Variants in DTNA observed in about 807,000 individuals in gnomAD.
The protein encoded by DTNA is dystrobrevin alpha.
A neutral mutation model predicts 100.7 loss-of-function variants in DTNA; 43 were observed. The ratio of observed to expected loss-of-function variants is 0.43; its 90% confidence interval spans 0.33 to 0.55. The LOEUF (loss-of-function observed/expected upper bound fraction) is 0.55. Ranked by LOEUF, DTNA falls within the 20% of genes least tolerant of loss-of-function variation. The probability of loss-of-function intolerance (pLI) is 0.04; values close to 1 mark genes in which losing one functional copy is unlikely to be tolerated. For synonymous variants in DTNA, 349 were observed against 347.9 expected (o/e 1.00, Z -0.04); for missense variants, 798 against 953.9 (o/e 0.84, Z 2.15).
intron 1 of DTNA, among the ~76,000 whole-genome samples, chr18:34,681,982 A>T (rs2145526118): frequency 6.6e-6 from 1 of 151,598 alleles, no homozygotes; most frequent in Admixed American, 6.6e-5. Flanking sequence ...CCTGCACCTC[A>T]CCCCTCATCT....
chr18:34,847,331 C>T (rs1275417875), intron 13 of DTNA, among the ~76,000 whole-genome samples: 1 of 152,100 alleles, frequency 6.6e-6, no homozygotes, highest in Non-Finnish European at 1.5e-5. Flanking sequence ...TACTAAAATT[C>T]TGTTTCTCTG....
At chr18:34,790,170 G>A (rs1391283503) in intron 3 of DTNA, among the ~76,000 whole-genome samples, 3 of 152,176 alleles carry the variant, frequency 2.0e-5, no homozygotes, top group Non-Finnish European at 2.9e-5. Flanking sequence ...GTGTAAGGAT[G>A]TGTAAGGCAG....
At chr18:34,607,995 G>T (rs1045092815) in intron 1 of DTNA, among the ~76,000 whole-genome samples, 1 of 152,148 alleles carries the variant, frequency 6.6e-6, no homozygotes, top group African/African-American at 2.4e-5. Flanking sequence ...GAAGTGGCAA[G>T]GATTCCAAAT....
chr18:34,827,597 C>G lies in DTNA; in HGVS notation c.1006C>G (p.Pro336Ala), dbSNP rs1157420045. Residue 336 changes from proline to alanine, a missense_variant, in exon 10 of 23, where the codon CCC becomes GCC. Pro to Ala is a conservative substitution (Grantham distance 27). This residue lies in a region of DTNA where 93 missense variants were observed against 90.5 expected (regional missense o/e 1.03). Coordinates refer to ENST00000444659, the MANE Select transcript of DTNA (RefSeq NM_001386795.1). ...KPLNLAHIVP[P>A]RPVTSMNDTL... Reference sequence around the variant, plus strand: ...TCACCCTGTGTTTTGTTTTAGGCCTCCCAGACCTGTAACCAGCATGAACGA... The same window carrying G: ...TCACCCTGTGTTTTGTTTTAGGCCTGCCAGACCTGTAACCAGCATGAACGA... The G allele has an allele frequency of 6.2e-7, 1 of 1,613,838 alleles. No homozygotes were observed. The highest frequency in any genetic ancestry group is 1.1e-5 in the South Asian group (1 of 91,074).
At chr18:34,814,172 G>T (rs948735103) in intron 6 of DTNA, among the ~76,000 whole-genome samples, 1 of 152,072 alleles carries the variant, frequency 6.6e-6, no homozygotes, top group African/African-American at 2.4e-5. Context: ...TGCACTTTCA[G>T]TTCATATTTA....
intron 16 of DTNA, among the ~76,000 whole-genome samples, chr18:34,862,140 A>AAAAAAG (rs1555881848): frequency 3.0e-4 from 44 of 146,964 alleles, no homozygotes; most frequent in African/African-American, 8.7e-4. Flanking sequence ...AAAAAAAAAA[A>AAAAAAG]AAAGAGAAAG....
At chr18:34,670,658 C>A (rs927228218) in intron 1 of DTNA, among the ~76,000 whole-genome samples, 4 of 152,226 alleles carry the variant, frequency 2.6e-5, no homozygotes, top group South Asian at 2.1e-4. Flanking sequence ...CCCTCAGCTG[C>A]AGGTCTGTTG....
rs551865322 is a variant in DTNA, at chr18:34,841,311, G to A, written c.1346+2474G>A. On this transcript the variant is annotated intron_variant, in intron 13 of 22. Coordinates refer to ENST00000444659, the MANE Select transcript of DTNA (RefSeq NM_001386795.1). ...CTTTTGTGGATGCCTCCTTCACACT[G>A]CATCCTCCACGTATTTACTGAAACT... Among the ~76,000 whole-genome samples the A allele has an allele frequency of 1.2e-3, 183 of 152,190 alleles. 1 individual carries two copies. Among genetic ancestry groups the A allele is most frequent in the African/African-American group, 4.2e-3 (176 of 41,512 alleles).
chr18:34,499,167 A>G lies in DTNA; in HGVS notation c.-2+5653A>G, dbSNP rs180793184. Among the ~76,000 whole-genome samples the G allele has an allele frequency of 2.6e-5, 4 of 152,302 alleles. No individual in the cohort carries two copies. The East Asian group carries it at 5.8e-4, about 22-fold the overall frequency. On this transcript the variant is annotated intron_variant, in intron 1 of 19. Transcript: ENST00000283365. ...ACCTCCAACCCCTTAATCCCTTGCA[A>G]TCATTAATATGTTCTCTATTTCTAT...
intron 1 of DTNA, among the ~76,000 whole-genome samples, chr18:34,506,338 G>A (rs975509914): frequency 8.0e-4 from 122 of 152,238 alleles, no homozygotes; most frequent in African/African-American, 2.7e-3. Flanking sequence ...AACATAGTGG[G>A]GGTGAGGAAT....
intron 6 of DTNA, among the ~76,000 whole-genome samples, chr18:34,814,725 G>T (rs1176924130): frequency 2.0e-5 from 3 of 151,604 alleles, no homozygotes; most frequent in Non-Finnish European, 2.9e-5. Context: ...AAGGACCTAT[G>T]TGTTCAAGAA....
intron 1 of DTNA, among the ~76,000 whole-genome samples, chr18:34,581,061 C>T (rs1017279444): frequency 1.5e-4 from 23 of 151,848 alleles, no homozygotes; most frequent in East Asian, 5.8e-4. Context: ...CTGGCTAACA[C>T]GGTGAAACCC....
chr18:34,668,102 A>G (rs2076204580), intron 1 of DTNA, among the ~76,000 whole-genome samples: 1 of 152,090 alleles, frequency 6.6e-6, no homozygotes, highest in African/African-American at 2.4e-5. Flanking sequence ...TCAATTTCAG[A>G]GCCTGTTACT....
intron 1 of DTNA, among the ~76,000 whole-genome samples, chr18:34,622,600 G>A (rs909499419): frequency 2.4e-4 from 37 of 152,274 alleles, no homozygotes; most frequent in African/African-American, 7.7e-4. Flanking sequence ...GGCAGGTTCC[G>A]TGCAATCTGC....
At chr18:34,549,273 C>T (rs2685552) in intron 1 of DTNA, among the ~76,000 whole-genome samples, 13,941 of 152,030 alleles carry the variant, frequency 0.092, 641 homozygotes, top group South Asian at 0.11. Flanking sequence ...TTCTTTAAAT[C>T]CCATCATACA....
At chr18:34,870,512 C>T (rs777564910) in intron 17 of DTNA, among the ~76,000 whole-genome samples, 16 of 152,172 alleles carry the variant, frequency 1.1e-4, no homozygotes, top group Non-Finnish European at 1.6e-4. Flanking sequence ...TGTTCAAAAA[C>T]ATACCCTCCC....
intron 1 of DTNA, among the ~76,000 whole-genome samples, chr18:34,512,348 C>T (rs1486285104): frequency 6.6e-6 from 1 of 151,958 alleles, no homozygotes; most frequent in African/African-American, 2.4e-5. Flanking sequence ...CTCAGAACAG[C>T]AGGTACACAC....
chr18:34,748,350 G>C (rs897367129), intron 1 of DTNA, among the ~76,000 whole-genome samples: 4 of 152,068 alleles, frequency 2.6e-5, no homozygotes, highest in Admixed American at 6.6e-5. Context: ...TGTCACATTT[G>C]CTTTTGGGCC....
Position 34,812,108 on chromosome 18 carries a change from C to A in DTNA, c.598C>A (p.Gln200Lys). 6.2e-7 allele frequency: 1 copy of A among 1,614,002 alleles called. No individual in the cohort carries two copies. The highest frequency in any genetic ancestry group is 8.5e-7 in the Non-Finnish European group (1 of 1,179,914). Residue 200 changes from glutamine (Q) to lysine (K), a missense_variant, in exon 6 of 23, where the codon CAA becomes AAA. Transcript: ENST00000444659. ...TEQSARSCFSQQKKVTLNGFL... is the reference protein window; with the variant it reads ...TEQSARSCFSKQKKVTLNGFL... ...ACAGTCAGCCAGATCCTGTTTCTCC[C>A]AACAGGTAGGAGAAAAATATGTTTA...
Sources: allele counts gnomAD v4.1 joint callset (sites outside exome capture counted in the v4.1 genomes callset), GRCh38; gene constraint gnomAD v4.1.1; regional missense constraint gnomAD v4.1.1; transcripts MANE v1.5; gene names NCBI Gene and HGNC (gene_info 2026-07-23, HGNC 2026-07-21).